The following SLC22A11 variants were observed in gnomAD, a reference collection of about 807,000 sequenced individuals.
SLC22A11 encodes solute carrier family 22 member 11.
A neutral mutation model predicts 49.4 loss-of-function variants in SLC22A11; 42 were observed. The observed-to-expected ratio is 0.85, with a 90% CI of 0.66 to 1.10. The LOEUF (loss-of-function observed/expected upper bound fraction) is 1.10, where lower values mean the gene tolerates loss of function less well. Among genes scored for constraint, SLC22A11 ranks in the 50% least tolerant of loss-of-function variants. The pLI, the probability that SLC22A11 is intolerant of heterozygous loss-of-function variation, is 0.00. For missense variants in SLC22A11, 685 were observed against 731.6 expected (o/e 0.94, Z 0.74); for synonymous variants, 304 against 315.8 (o/e 0.96, Z 0.40).
At chr11:64,563,653 G>A (rs1591374542) in intron 4 of SLC22A11, among the ~76,000 whole-genome samples, 1 of 144,168 alleles carries the variant, frequency 6.9e-6, no homozygotes, top group East Asian at 2.0e-4. Context: ...GGGCACAGTG[G>A]CTCAAGCCTG....
In SLC22A11 at chr11:64,565,765, T is replaced by C; in HGVS notation, c.1058+428T>C. The C allele has an allele frequency of 2.9e-6, 1 of 349,322 alleles. No homozygotes were observed. Among genetic ancestry groups the C allele is most frequent in the Non-Finnish European group, 5.7e-6 (1 of 175,020 alleles). 21.6% of individuals were successfully genotyped at this position (349,322 alleles called of 1,614,324 possible). ...GAACCTGCATTCGCTGACCCCTCCA[T>C]GCAACCCCACTTCACTGATGGGGAA... On this transcript the variant is annotated intron_variant, in intron 6 of 9. Transcript: ENST00000301891. This position sits in a 1 kb window ranked among gnomAD's most constrained non-coding sequence, Gnocchi z 4.1.
chr11:64,567,569 C>A (rs375104413), intron 6 of SLC22A11, 30 bp from the exon 7 acceptor site: 2 of 1,607,894 alleles, frequency 1.2e-6, no homozygotes, highest in East Asian at 4.5e-5. Flanking sequence ...CCCGGCAGGG[C>A]AGGGACCTGA....
At chr11:64,561,190 T>C (rs2038539069) in intron 2 of SLC22A11, among the ~76,000 whole-genome samples, 1 of 152,228 alleles carries the variant, frequency 6.6e-6, no homozygotes, top group Admixed American at 6.5e-5. Context: ...CCGAGGGCTC[T>C]GCATCCGCCC....
intron 6 of SLC22A11, among the ~76,000 whole-genome samples, chr11:64,567,083 C>T (rs2038634980): frequency 6.6e-6 from 1 of 151,902 alleles, no homozygotes; most frequent in Admixed American, 6.6e-5. Context: ...ATGAACCAGT[C>T]ACAGGCTGCT....
At chr11:64,563,915 CA>C (rs369603411) in intron 4 of SLC22A11, among the ~76,000 whole-genome samples, 6 of 144,124 alleles carry the variant, frequency 4.2e-5, no homozygotes, top group African/African-American at 5.0e-5. Context: ...GACTCCATCT[CA>C]AAAAAAAAAC....
chr11:64,563,110 A>T (rs2135422855), intron 4 of SLC22A11, among the ~76,000 whole-genome samples: 1 of 152,312 alleles, frequency 6.6e-6, no homozygotes, highest in South Asian at 2.1e-4. Context: ...ACACAAGTGA[A>T]CAAAACAGGC....
chr11:64,560,831 C>T (rs754810166), intron 2 of SLC22A11, among the ~76,000 whole-genome samples: 1 of 152,254 alleles, frequency 6.6e-6, no homozygotes, highest in Non-Finnish European at 1.5e-5. Flanking sequence ...TTCCCACTCC[C>T]TCCTGCCACC....
Position 64,571,079 on chromosome 11 carries a change from T to C in SLC22A11, c.*37T>C. On this transcript the variant is annotated 3_prime_UTR_variant, in exon 10 of 10. Transcript: ENST00000301891. ...GCATGGAGCCCCTTTAGTCAAAGACTCCTGGAAAGGAGTTGCCTCTTCTCC... is the reference window on the plus strand; with the variant it reads ...GCATGGAGCCCCTTTAGTCAAAGACCCCTGGAAAGGAGTTGCCTCTTCTCC... 6.2e-7 allele frequency: 1 copy of C among 1,610,654 alleles called. No individual in the cohort carries two copies. The highest frequency in any genetic ancestry group is 8.5e-7 in the Non-Finnish European group (1 of 1,176,860).
At chr11:64,563,924 A>G in intron 4 of SLC22A11, among the ~76,000 whole-genome samples, 1 of 152,036 alleles carries the variant, frequency 6.6e-6, no homozygotes, top group African/African-American at 2.4e-5. Flanking sequence ...TCAAAAAAAA[A>G]ACAAAAAAAC....
intron 2 of SLC22A11, among the ~76,000 whole-genome samples, chr11:64,560,830 C>T (rs1183949941): frequency 6.6e-6 from 1 of 152,224 alleles, no homozygotes; most frequent in Non-Finnish European, 1.5e-5. Flanking sequence ...CTTCCCACTC[C>T]CTCCTGCCAC....
chr11:64,562,482 G>A lies in SLC22A11; in HGVS notation c.821+47G>A, dbSNP rs199681819. On this transcript the variant is annotated intron_variant, in intron 4 of 9. Transcript: ENST00000301891. The surrounding 1 kb of genome is among the most constrained non-coding windows in gnomAD (Gnocchi z 4.4). The stretch of plus-strand genomic sequence containing the variant: ...TTCCTTAGGAGACCCAGGGTGGGAG[G>A]GGGACTCTTCACTTTCACCTCTCTG... 9.1e-4 allele frequency: 1,361 copies of A among 1,490,508 alleles called. 3 individuals are homozygous for A. Among genetic ancestry groups the A allele is most frequent in the Non-Finnish European group, 1.2e-3 (1,330 of 1,123,270 alleles). 92.3% of individuals were successfully genotyped at this position (1,490,508 alleles called of 1,614,324 possible).
chr11:64,560,858 G>T (rs1469670234), intron 2 of SLC22A11, among the ~76,000 whole-genome samples: 1 of 152,178 alleles, frequency 6.6e-6, no homozygotes, highest in African/African-American at 2.4e-5. Context: ...CTGGCTCTGG[G>T]GTCTGACTAC....
intron 6 of SLC22A11, 71 bp from the exon 7 acceptor site, chr11:64,567,528 G>A: frequency 7.0e-7 from 1 of 1,430,646 alleles, no homozygotes; most frequent in East Asian, 2.3e-5. Flanking sequence ...GCTCCTGGTG[G>A]GAGGTGCTGT....
At chr11:64,560,592 C>A (rs1362241212) in intron 2 of SLC22A11, among the ~76,000 whole-genome samples, 2 of 152,182 alleles carry the variant, frequency 1.3e-5, no homozygotes, top group Admixed American at 1.3e-4. Flanking sequence ...TTGAGGAGGC[C>A]CTCCGAGGCC....
chr11:64,565,343 C>T lies in SLC22A11; in HGVS notation c.1058+6C>T. 1 of 1,546,272 alleles carries T rather than the reference C, an allele frequency of 6.5e-7. No individual in the cohort carries two copies. Reference sequence around the variant, plus strand: ...TGCGCCATGCTGGTGGTGAAGTACGCCGTCCTGGTGTCCCTCCCCAAGGCA... The same window carrying T: ...TGCGCCATGCTGGTGGTGAAGTACGTCGTCCTGGTGTCCCTCCCCAAGGCA... On this transcript the variant is annotated splice_donor_region_variant and intron_variant, in intron 6 of 9. Transcript: ENST00000301891. The surrounding 1 kb of genome is among the most constrained non-coding windows in gnomAD (Gnocchi z 4.1).
At position 64,556,349 on chromosome 11, in the gene SLC22A11, G is replaced by A; in HGVS notation, c.350G>A (p.Trp117Ter). ...EADTEPCVDG[W>*]VYDRSVFTST... Reference sequence around the variant, plus strand: ...GACACGGAGCCGTGTGTGGACGGCTGGGTCTATGACCGCAGCGTCTTCACC... The same window carrying A: ...GACACGGAGCCGTGTGTGGACGGCTAGGTCTATGACCGCAGCGTCTTCACC... Residue 117 changes from tryptophan (W) to a stop codon, truncating the protein, a stop_gained, in exon 1 of 10, where the codon TGG becomes TAG. Coordinates refer to ENST00000301891, the MANE Select transcript of SLC22A11 (RefSeq NM_018484.4). LOFTEE classifies it high-confidence loss of function. The A allele has an allele frequency of 2.5e-6, 4 of 1,612,810 alleles. No homozygotes were observed. Among genetic ancestry groups the A allele is most frequent in the Non-Finnish European group, 3.4e-6 (4 of 1,180,018 alleles).
chr11:64,557,785 C>T (rs967678178), intron 1 of SLC22A11, among the ~76,000 whole-genome samples: 1 of 149,036 alleles, frequency 6.7e-6, no homozygotes, highest in African/African-American at 2.5e-5. Context: ...GCACATACCA[C>T]CATGCCCAGC....
In SLC22A11 at chr11:64,564,293, C is replaced by T; in HGVS notation, c.822-15C>T. 1.2e-6 allele frequency: 2 copies of T among 1,613,882 alleles called. No homozygotes were observed. Among genetic ancestry groups the T allele is most frequent in the East Asian group, 2.2e-5 (1 of 44,884 alleles). On this transcript the variant is annotated splice_polypyrimidine_tract_variant and intron_variant, in intron 4 of 9. Transcript: ENST00000301891. The surrounding 1 kb of genome is among the most constrained non-coding windows in gnomAD (Gnocchi z 4.2). ...CCCAGCGTGCACTCCCAGCTACACACCTGCCTCCTTACAGGTGGCTGCCAG... is the reference window on the plus strand; with the variant it reads ...CCCAGCGTGCACTCCCAGCTACACATCTGCCTCCTTACAGGTGGCTGCCAG...
Position 64,561,451 on chromosome 11 carries a change from TTTTA to T in SLC22A11, c.498-542_498-539del, listed in dbSNP as rs540749997. Among the ~76,000 whole-genome samples the T allele has an allele frequency of 3.9e-5, 6 of 152,202 alleles. No individual in the cohort carries two copies. In the East Asian group the frequency reaches 9.6e-4, roughly 24 times the overall value. On this transcript the variant is annotated intron_variant, in intron 2 of 9. Coordinates refer to ENST00000301891, the MANE Select transcript of SLC22A11 (RefSeq NM_018484.4). The stretch of plus-strand genomic sequence containing the variant: ...ATCTGATGCCCAAACCTGTGTTCTT[TTTTA>T]TTTATTTATTAGAGACAGAGGCTCA...
Sources: gnomAD v4.1 joint callset for allele counts (sites outside exome capture counted in the v4.1 genomes callset) on GRCh38, gnomAD v4.1.1 for gene constraint, Gnocchi (gnomAD v3.1) non-coding constraint, MANE v1.5 for transcripts, NCBI Gene and HGNC (gene_info 2026-07-23, HGNC 2026-07-21) for gene names.